ADAMTS6: variants seen among roughly 807,000 people sequenced by gnomAD.
The protein encoded by ADAMTS6 is A disintegrin and metalloproteinase with thrombospondin motifs 6.
A neutral mutation model predicts 144.3 loss-of-function variants in ADAMTS6; 23 were observed. That is an observed-to-expected ratio of 0.16 (90% CI 0.11 to 0.23). The LOEUF is 0.23. Among genes scored for constraint, ADAMTS6 ranks in the 10% least tolerant of loss-of-function variants. The probability of loss-of-function intolerance (pLI) is 1.00; values close to 1 mark genes in which losing one functional copy is unlikely to be tolerated. For synonymous variants in ADAMTS6, 444 were observed against 457.5 expected (o/e 0.97, Z 0.38); for missense variants, 999 against 1,379.6 (o/e 0.72, Z 4.37).
intron 7 of ADAMTS6, among the ~76,000 whole-genome samples, chr5:65,420,422 T>A (rs1371023334): frequency 6.6e-6 from 1 of 152,100 alleles, no homozygotes; most frequent in East Asian, 1.9e-4. Flanking sequence ...ACTCTTGTTG[T>A]CCAGGCTGGA....
intron 9 of ADAMTS6, among the ~76,000 whole-genome samples, chr5:65,312,829 A>C (rs930279435): frequency 6.6e-6 from 1 of 152,020 alleles, no homozygotes; most frequent in African/African-American, 2.4e-5. Flanking sequence ...GCTATTAGAG[A>C]TATACTAACA....
At chr5:65,175,597 G>A (rs1753925482) in intron 22 of ADAMTS6, among the ~76,000 whole-genome samples, 1 of 151,822 alleles carries the variant, frequency 6.6e-6, no homozygotes, top group African/African-American at 2.4e-5. Context: ...TGGCCCAGAA[G>A]CATTCAATCT....
intron 9 of ADAMTS6, among the ~76,000 whole-genome samples, chr5:65,316,854 T>C (rs1309053840): frequency 3.3e-5 from 5 of 151,878 alleles, no homozygotes. Flanking sequence ...CAGGCTGGAG[T>C]GCAATATCGC....
intron 7 of ADAMTS6, among the ~76,000 whole-genome samples, chr5:65,400,432 T>A (rs895591668): frequency 1.3e-5 from 2 of 152,106 alleles, no homozygotes; most frequent in African/African-American, 4.8e-5. Flanking sequence ...CCCAGGCTGG[T>A]CTCTAACTCC....
chr5:65,398,820 GAAAGAAAGAAAGAAAGAAAGAAAGAA>G (rs1561501691), intron 7 of ADAMTS6, among the ~76,000 whole-genome samples: 1 of 134,094 alleles, frequency 7.5e-6, no homozygotes, highest in East Asian at 2.0e-4. Context: ...AAGAAAGAAA[GAAAGAAAGAAAGAAAGAAAGAAAGAA>G]AGAAAAAGAA....
chr5:65,414,501 A>T (rs1472198652), intron 7 of ADAMTS6, among the ~76,000 whole-genome samples: 5 of 152,164 alleles, frequency 3.3e-5, no homozygotes, highest in Admixed American at 3.3e-4. Flanking sequence ...ACTTTATCTT[A>T]GGGAAAAAAT....
chr5:65,158,295 G>A lies in ADAMTS6; in HGVS notation c.3245-6350C>T, dbSNP rs545155908. Among the ~76,000 whole-genome samples, 7 of 152,206 alleles carry A rather than the reference G, an allele frequency of 4.6e-5. 1 individual carries two copies. The highest frequency in any genetic ancestry group is 1.7e-4 in the African/African-American group (7 of 41,542). On this transcript the variant is annotated intron_variant, in intron 24 of 24. Coordinates refer to ENST00000381055, the MANE Select transcript of ADAMTS6 (RefSeq NM_197941.4). ...CAAAATTCTTGGTTTGAGATTTCTG[G>A]AGCTGCCTAAGCTTTCCCAGAGCTA...
chr5:65,162,413 A>G (rs1237989440), intron 24 of ADAMTS6, among the ~76,000 whole-genome samples: 1 of 152,140 alleles, frequency 6.6e-6, no homozygotes, highest in Non-Finnish European at 1.5e-5. Flanking sequence ...ATGTCAAAAT[A>G]CCCTACTTTA....
At chr5:65,275,528 G>T (rs926841601) in intron 11 of ADAMTS6, among the ~76,000 whole-genome samples, 2 of 151,694 alleles carry the variant, frequency 1.3e-5, no homozygotes, top group Non-Finnish European at 2.9e-5. Flanking sequence ...TCATGTTTAC[G>T]ATCCAATATT....
At chr5:65,383,672 A>G (rs1410407808) in intron 7 of ADAMTS6, among the ~76,000 whole-genome samples, 1 of 152,012 alleles carries the variant, frequency 6.6e-6, no homozygotes, top group Non-Finnish European at 1.5e-5. Context: ...ATGCACTTTG[A>G]TTCCTCTACT....
chr5:65,455,510 CTA>C (rs1394538752), intron 4 of ADAMTS6, among the ~76,000 whole-genome samples: 2 of 152,070 alleles, frequency 1.3e-5, no homozygotes, highest in Non-Finnish European at 2.9e-5. Flanking sequence ...CCACTGCACT[CTA>C]GCCTGGGCAA....
rs73761652 is a variant in ADAMTS6, at chr5:65,159,220, T to C, written c.3245-7275A>G. Among the ~76,000 whole-genome samples, 1,443 of 152,262 alleles carry C rather than the reference T, an allele frequency of 9.5e-3. 19 individuals are homozygous for C. The highest frequency in any genetic ancestry group is 0.033 in the African/African-American group (1,358 of 41,550). ...CCTTAGTTCACGCCTCCATCCTCTCTTGCCTGGACTCTTAGAAAAATTCTT... is the reference window on the plus strand; with the variant it reads ...CCTTAGTTCACGCCTCCATCCTCTCCTGCCTGGACTCTTAGAAAAATTCTT... On this transcript the variant is annotated intron_variant, in intron 24 of 24. Coordinates refer to ENST00000381055, the MANE Select transcript of ADAMTS6 (RefSeq NM_197941.4).
At chr5:65,375,637 A>G (rs1751456330) in intron 7 of ADAMTS6, among the ~76,000 whole-genome samples, 1 of 152,100 alleles carries the variant, frequency 6.6e-6, no homozygotes, top group African/African-American at 2.4e-5. Context: ...ATGTGGAGAA[A>G]TAGGAACACT....
intron 11 of ADAMTS6, among the ~76,000 whole-genome samples, chr5:65,282,594 A>G (rs1048793736): frequency 6.6e-6 from 1 of 152,118 alleles, no homozygotes; most frequent in African/African-American, 2.4e-5. Flanking sequence ...ACATATGCCA[A>G]ATAAATAGAT....
At chr5:65,257,068 G>GATCT (rs1760745396) in intron 14 of ADAMTS6, among the ~76,000 whole-genome samples, 1 of 137,118 alleles carries the variant, frequency 7.3e-6, no homozygotes, top group South Asian at 2.4e-4. Flanking sequence ...GGACTCAAGA[G>GATCT]ATCTGCCTGC....
chr5:65,215,320 T>A lies in ADAMTS6; in HGVS notation c.2436+4A>T. On this transcript the variant is annotated splice_donor_region_variant and intron_variant, in intron 19 of 24. Transcript: ENST00000381055. ...AAGAAATACAATGGCAAAGACGCAT[T>A]TACCATGACGATGAGATTTTCTGAG... 1.2e-6 allele frequency: 2 copies of A among 1,612,826 alleles called. No individual in the cohort carries two copies. The highest frequency in any genetic ancestry group is 1.7e-6 in the Non-Finnish European group (2 of 1,179,588).
chr5:65,204,629 C>T (rs560967948), intron 20 of ADAMTS6, among the ~76,000 whole-genome samples: 4 of 151,942 alleles, frequency 2.6e-5, no homozygotes, highest in South Asian at 4.1e-4. Flanking sequence ...TTGTCTAGTC[C>T]GATAAATATA....
intron 11 of ADAMTS6, among the ~76,000 whole-genome samples, chr5:65,279,967 T>C (rs982560255): frequency 1.3e-5 from 2 of 152,250 alleles, no homozygotes; most frequent in African/African-American, 2.4e-5. Context: ...TCTTGAATTG[T>C]AGAAGTGCAC....
intron 7 of ADAMTS6, among the ~76,000 whole-genome samples, chr5:65,369,755 A>G (rs113355180): frequency 2.4e-4 from 36 of 152,176 alleles, no homozygotes; most frequent in Non-Finnish European, 4.3e-4. Flanking sequence ...ATTATTAGCA[A>G]CCTATATGAA....
Sources: gnomAD v4.1 joint callset for allele counts (sites outside exome capture counted in the v4.1 genomes callset) on GRCh38, gnomAD v4.1.1 for gene constraint, MANE v1.5 for transcripts, NCBI Gene and HGNC (gene_info 2026-07-23, HGNC 2026-07-21) for gene names.